CSMD1: variants seen among roughly 807,000 people sequenced by gnomAD.
CSMD1 encodes CUB and sushi domain-containing protein 1.
CSMD1 carries 213 observed loss-of-function variants against 417.5 expected under a neutral mutation model. The observed-to-expected ratio is 0.51, with a 90% CI of 0.46 to 0.57. The LOEUF (loss-of-function observed/expected upper bound fraction) is 0.57. Among genes scored for constraint, CSMD1 ranks in the 20% least tolerant of loss-of-function variants. The pLI, the probability that CSMD1 is intolerant of heterozygous loss-of-function variation, is 0.00. For synonymous variants in CSMD1, 2,862 were observed against 1,736.8 expected (o/e 1.65, Z -16.11); for missense variants, 6,923 against 4,529.7 (o/e 1.53, Z -15.17).
At chr8:3,314,064 G>A (rs1329147750) in intron 23 of CSMD1, among the ~76,000 whole-genome samples, 1 of 151,412 alleles carries the variant, frequency 6.6e-6, no homozygotes, top group Non-Finnish European at 1.5e-5. Context: ...GGTGGGAATT[G>A]AACAATGAGA....
chr8:3,009,160 C>G lies in CSMD1; in HGVS notation c.8030-9029G>C, dbSNP rs561680580. 9.2e-5 allele frequency among the ~76,000 whole-genome samples: 14 copies of G among 152,336 alleles called. No homozygotes were observed. The South Asian group carries it at 2.5e-3, about 27-fold the overall frequency. ...GAGCTGTAGGATCTCTCCCCTCTCA[C>G]CAGGTCTCCCACACACGCACTTTTG... On this transcript the variant is annotated intron_variant, in intron 52 of 69. Coordinates refer to ENST00000635120, the MANE Select transcript of CSMD1 (RefSeq NM_033225.6).
At chr8:4,676,401 T>C (rs1805684670) in intron 1 of CSMD1, among the ~76,000 whole-genome samples, 1 of 152,166 alleles carries the variant, frequency 6.6e-6, no homozygotes, top group South Asian at 2.1e-4. Flanking sequence ...GACTTCCCCA[T>C]CCACCCCTCA....
chr8:3,444,561 G>T (rs763668135), intron 12 of CSMD1, among the ~76,000 whole-genome samples: 11 of 152,248 alleles, frequency 7.2e-5, no homozygotes, highest in Non-Finnish European at 7.3e-5. Context: ...CACTGAGGGT[G>T]AGGATGCTAC....
chr8:3,821,774 T>C (rs995298726), intron 5 of CSMD1, among the ~76,000 whole-genome samples: 1 of 151,868 alleles, frequency 6.6e-6, no homozygotes, highest in African/African-American at 2.4e-5. Context: ...AGAGTGAGAC[T>C]CTGTCTCAAA....
At chr8:4,060,711 GA>G (rs1238903609) in intron 3 of CSMD1, among the ~76,000 whole-genome samples, 2 of 152,200 alleles carry the variant, frequency 1.3e-5, no homozygotes, top group Non-Finnish European at 2.9e-5. Context: ...CTCCACATGG[GA>G]ATTTTAATAA....
intron 4 of CSMD1, among the ~76,000 whole-genome samples, chr8:4,004,864 C>G (rs1390206267): frequency 1.3e-5 from 2 of 152,106 alleles, no homozygotes; most frequent in African/African-American, 4.8e-5. Context: ...CCTGCCTCAG[C>G]CTCCCGAGTA....
intron 1 of CSMD1, among the ~76,000 whole-genome samples, chr8:4,662,277 C>G (rs1268118329): frequency 6.6e-6 from 1 of 151,564 alleles, no homozygotes; most frequent in Non-Finnish European, 1.5e-5. Flanking sequence ...ATTTTGTAGA[C>G]AAATAAGAGG....
chr8:4,112,892 A>G (rs967157831), intron 3 of CSMD1, among the ~76,000 whole-genome samples: 1 of 152,222 alleles, frequency 6.6e-6, no homozygotes, highest in African/African-American at 2.4e-5. Flanking sequence ...CGTGGCATCA[A>G]GCAAGTCTAT....
chr8:3,571,596 G>T (rs1272712375), intron 10 of CSMD1, among the ~76,000 whole-genome samples: 2 of 152,056 alleles, frequency 1.3e-5, no homozygotes, highest in Non-Finnish European at 2.9e-5. Context: ...ACCTACTGGA[G>T]GCAGCTGCAG....
intron 2 of CSMD1, among the ~76,000 whole-genome samples, chr8:4,492,279 G>A (rs753751740): frequency 1.3e-5 from 2 of 152,004 alleles, no homozygotes; most frequent in African/African-American, 2.4e-5. Flanking sequence ...TTGTCTACAC[G>A]GGATCTTCTT....
intron 1 of CSMD1, among the ~76,000 whole-genome samples, chr8:4,828,186 G>T (rs984927356): frequency 1.1e-4 from 17 of 152,090 alleles, no homozygotes; most frequent in Non-Finnish European, 1.5e-5. Context: ...TCATTTAAGT[G>T]TTTTCAAAGC....
chr8:4,135,016 G>A (rs1403227570), intron 3 of CSMD1, among the ~76,000 whole-genome samples: 3 of 152,014 alleles, frequency 2.0e-5, no homozygotes, highest in East Asian at 1.9e-4. Flanking sequence ...AATTTTTATT[G>A]ATTATTTTGT....
intron 1 of CSMD1, among the ~76,000 whole-genome samples, chr8:4,914,202 C>G (rs1010439297): frequency 6.6e-5 from 10 of 152,266 alleles, no homozygotes; most frequent in African/African-American, 2.4e-4. Flanking sequence ...TATAGTATTA[C>G]AGGTGCAATC....
chr8:4,781,746 T>C (rs1797162556), intron 1 of CSMD1, among the ~76,000 whole-genome samples: 1 of 152,166 alleles, frequency 6.6e-6, no homozygotes, highest in South Asian at 2.1e-4. Flanking sequence ...TACTATATGG[T>C]AACCATTCTT....
At chr8:4,434,677 T>C (rs574171843) in intron 2 of CSMD1, among the ~76,000 whole-genome samples, 4 of 152,168 alleles carry the variant, frequency 2.6e-5, no homozygotes, top group Non-Finnish European at 4.4e-5. Context: ...ACTTTTTGAC[T>C]GGAAAGGAAC....
chr8:4,818,894 T>G (rs17071569), intron 1 of CSMD1, among the ~76,000 whole-genome samples: 11,874 of 152,198 alleles, frequency 0.078, 863 homozygotes, highest in East Asian at 0.32. Flanking sequence ...GAAAGTTCAG[T>G]TTAAGTGGTG....
chr8:3,481,365 G>A (rs1817741158), intron 11 of CSMD1, among the ~76,000 whole-genome samples: 1 of 152,076 alleles, frequency 6.6e-6, no homozygotes. Flanking sequence ...CTTAATGATT[G>A]AAACAACAAT....
intron 2 of CSMD1, among the ~76,000 whole-genome samples, chr8:4,438,461 T>C (rs1428675113): frequency 1.3e-5 from 2 of 152,206 alleles, no homozygotes; most frequent in East Asian, 1.9e-4. Context: ...CTGGGACATG[T>C]GGCAATGGAC....
At chr8:4,617,067 T>C (rs1041405781) in intron 2 of CSMD1, among the ~76,000 whole-genome samples, 10 of 152,242 alleles carry the variant, frequency 6.6e-5, no homozygotes, top group African/African-American at 2.4e-4. Flanking sequence ...TTTTTATAAA[T>C]AATAGATGTT....
Sources: allele counts gnomAD v4.1 joint callset (sites outside exome capture counted in the v4.1 genomes callset), GRCh38; gene constraint gnomAD v4.1.1; transcripts MANE v1.5; gene names NCBI Gene and HGNC (gene_info 2026-07-23, HGNC 2026-07-21).